Variants in TBR1 observed in about 807,000 individuals in gnomAD.
TBR1 encodes the protein T-box brain protein 1.
Under a neutral mutation model 60.3 loss-of-function variants are expected in TBR1, and 7 were observed. That is an observed-to-expected ratio of 0.12 (90% CI 0.07 to 0.22). The LOEUF is 0.22. TBR1 is among the 10% of genes least tolerant of loss of function. The probability of loss-of-function intolerance (pLI) is 1.00; values close to 1 mark genes in which losing one functional copy is unlikely to be tolerated. For missense variants in TBR1, 616 were observed against 936.8 expected, an observed-to-expected ratio of 0.66 and a Z score of 4.47; for synonymous variants, 417 against 409.9, an observed-to-expected ratio of 1.02 and a Z score of -0.21.
At position 161,417,005 on chromosome 2, in the gene TBR1, C is replaced by G; in HGVS notation, c.595C>G (p.Leu199Val). 6.2e-7 allele frequency: 1 copy of G among 1,614,184 alleles called. No homozygotes were observed. Among genetic ancestry groups the G allele is most frequent in the Non-Finnish European group, 8.5e-7 (1 of 1,180,048 alleles). The change falls in exon 1 of 6, where the codon CTG (leucine) becomes GTG (valine). Residue 199 changes from leucine to valine, a missense_variant. Physicochemically the swap from Leu to Val is conservative, Grantham distance 32. Coordinates refer to ENST00000389554, the MANE Select transcript of TBR1 (RefSeq NM_006593.4). The surrounding 1 kb of genome is among the most constrained non-coding windows in gnomAD (Gnocchi z 5.3). ...FYQFSSTQPG[L>V]VPGKAQVYLC... The stretch of plus-strand genomic sequence containing the variant: ...CCAGTTCTCCTCCACCCAGCCGGGG[C>G]TGGTGCCCGGCAAAGCACAGGTGTA...
chr2:161,419,846 A>G (rs1684199561), intron 4 of TBR1: 1 of 161,420 alleles, frequency 6.2e-6, no homozygotes, highest in Non-Finnish European at 1.3e-5. Flanking sequence ...GTCAACATTT[A>G]GTGATGAATT....
intron 5 of TBR1, 115 bp from the exon 6 acceptor site, chr2:161,423,254 G>C (rs1485850783): frequency 1.4e-6 from 1 of 691,776 alleles, no homozygotes; most frequent in Non-Finnish European, 2.3e-6. Flanking sequence ...TTTGTAGATG[G>C]AGGGTGTGGG....
rs115141916 is a variant in TBR1 at position 161,417,442 on chromosome 2, C to A, written c.693-234C>A. 5.9e-3 allele frequency: 3,570 copies of A among 605,526 alleles called. 83 individuals carry two copies. Among genetic ancestry groups the A allele is most frequent in the African/African-American group, 0.059 (3,172 of 53,988 alleles). The allele number at this position is 605,526 out of a possible 1,614,324, so 37.5% of individuals were successfully genotyped here. A position where few individuals can be genotyped will look rare whatever the true frequency, so the allele number is the denominator to read the frequency against. On this transcript the variant is annotated intron_variant, in intron 1 of 5. Transcript: ENST00000389554. This position sits in a 1 kb window ranked among gnomAD's most constrained non-coding sequence, Gnocchi z 5.3. ...CGCAGGTCGCCAACCTCGCTCTCCA[C>A]CTGGGCAGTGATAACTGCCACCTTC... is the stretch of plus-strand genomic sequence containing the variant.
In TBR1 at chr2:161,423,979, G is replaced by C. The variant is rs1477729452; in HGVS notation, c.1801G>C (p.Ala601Pro). ...AERSPLPPGAAEDAKPKDLSD... is the reference protein window; with the variant it reads ...AERSPLPPGAPEDAKPKDLSD... ...GCGCTCGCCGCTGCCGCCCGGCGCC[G>C]CCGAGGACGCCAAGCCCAAGGACCT... The change falls in exon 6 of 6, where the codon GCC (alanine) becomes CCC (proline). Residue 601 changes from alanine (A) to proline (P), a missense_variant. By Grantham distance (27) the Ala-to-Pro change is conservative. Around this residue, in one of 8 missense-constraint regions of TBR1, gnomAD observed 210 missense variants for 297.4 expected, o/e 0.71. Coordinates refer to ENST00000389554, the MANE Select transcript of TBR1 (RefSeq NM_006593.4). The C allele has an allele frequency of 6.4e-7, 1 of 1,552,268 alleles. No homozygotes were observed. Among genetic ancestry groups the C allele is most frequent in the South Asian group, 1.2e-5 (1 of 84,240 alleles).
Position 161,417,332 on chromosome 2 carries a change from G to A in TBR1, c.692+230G>A, listed in dbSNP as rs1684140477. Reference sequence around the variant, plus strand: ...TGGGAGAGCCAGTCAGTGGCCAGAGGAAGGCAAGAAAAAGGAAGAGCCCTG... The same window carrying A: ...TGGGAGAGCCAGTCAGTGGCCAGAGAAAGGCAAGAAAAAGGAAGAGCCCTG... On this transcript the variant is annotated intron_variant, in intron 1 of 5. Transcript: ENST00000389554. This position sits in a 1 kb window ranked among gnomAD's most constrained non-coding sequence, Gnocchi z 5.3. The A allele has an allele frequency of 1.7e-6, 1 of 586,540 alleles. No individual in the cohort carries two copies. Among genetic ancestry groups the A allele is most frequent in the African/African-American group, 1.9e-5 (1 of 53,622 alleles). The allele number at this position is 586,540 out of a possible 1,614,324, so 36.3% of individuals were successfully genotyped here. A position where few individuals can be genotyped will look rare whatever the true frequency, so the allele number is the denominator to read the frequency against.
At chr2:161,423,337 CG>C in intron 5 of TBR1, 31 bp from the exon 6 acceptor site, 1 of 1,326,666 alleles carries the variant, frequency 7.5e-7, no homozygotes, top group Non-Finnish European at 9.8e-7. Context: ...CGCCACCCCT[CG>C]GCTCTCTCTC....
rs3835937 is a variant in TBR1 at position 161,419,369 on chromosome 2, TA to T, written c.1128+328del. 2.5e-3 allele frequency: 482 copies of T among 196,558 alleles called. 11 individuals are homozygous for T. The East Asian group carries it at 0.054, about 22-fold the overall frequency. 12.2% of individuals were successfully genotyped at this position (196,558 alleles called of 1,614,324 possible). On this transcript the variant is annotated intron_variant, in intron 4 of 5. Coordinates refer to ENST00000389554, the MANE Select transcript of TBR1 (RefSeq NM_006593.4). ...AACTAGAACAGATTAAAATCTACTT[TA>T]AAAAAAAATTCTCTCTTTCCTTTAG...
At chr2:161,420,418 CTTTTTTTTTTT>C (rs67826360) in intron 5 of TBR1, 161 bp downstream of exon 5, 35 of 95,422 alleles carry the variant, frequency 3.7e-4, no homozygotes, top group East Asian at 7.3e-4. Context: ...TCTTCCTCTT[CTTTTTTTTTTT>C]TTTTTTTTTT....
Position 161,424,105 on chromosome 2 carries a change from G to T in TBR1, c.1927G>T (p.Ala643Ser). 6.2e-7 allele frequency: 1 copy of T among 1,612,004 alleles called. No homozygotes were observed. ...EQAKRRRISPADTPVSESSSP... is the reference protein window; with the variant it reads ...EQAKRRRISPSDTPVSESSSP... Reference sequence around the variant, plus strand: ...GGCCAAGCGGAGGCGGATCTCGCCGGCCGACACGCCCGTGTCCGAGAGTTC... The same window carrying T: ...GGCCAAGCGGAGGCGGATCTCGCCGTCCGACACGCCCGTGTCCGAGAGTTC... Residue 643 changes from alanine to serine, a missense_variant, in exon 6 of 6, where the codon GCC (alanine) becomes TCC (serine). Transcript: ENST00000389554. The surrounding 1 kb of genome is among the most constrained non-coding windows in gnomAD (Gnocchi z 4.4).
At chr2:161,422,152 C>G (rs1684242484) in intron 5 of TBR1, 1 of 152,212 alleles carries the variant, frequency 6.6e-6, no homozygotes, top group African/African-American at 2.4e-5. Flanking sequence ...GGATTAAGGT[C>G]TGACAAGACT....
chr2:161,423,764 C>T lies in TBR1; in HGVS notation c.1586C>T (p.Ala529Val). 3 of 1,488,522 alleles carry T rather than the reference C, an allele frequency of 2.0e-6. No individual in the cohort carries two copies. The highest frequency in any genetic ancestry group is 1.8e-6 in the Non-Finnish European group (2 of 1,125,252). The allele number at this position is 1,488,522 out of a possible 1,614,324, so 92.2% of individuals were successfully genotyped here. Reference sequence around the variant, plus strand: ...GTGAAGGCGCTGCCGCTGCAGGCTGCAGGCTGCACTGGCCGCCCGCTCGGC... The same window carrying T: ...GTGAAGGCGCTGCCGCTGCAGGCTGTAGGCTGCACTGGCCGCCCGCTCGGC... ...AGVKALPLQAAGCTGRPLGYY... is the reference protein window; with the variant it reads ...AGVKALPLQAVGCTGRPLGYY... Residue 529 changes from alanine (A) to valine (V), a missense_variant, in exon 6 of 6, where the codon GCA becomes GTA. Around this residue, in one of 8 missense-constraint regions of TBR1, gnomAD observed 210 missense variants for 297.4 expected, o/e 0.71. Transcript: ENST00000389554.
intron 3 of TBR1, 55 bp from the exon 4 acceptor site, chr2:161,418,837 C>A: frequency 6.3e-7 from 1 of 1,580,280 alleles, no homozygotes; most frequent in Non-Finnish European, 8.6e-7. Context: ...CAGCCACGCG[C>A]ACAGCGACCG....
Position 161,417,538 on chromosome 2 carries a change from T to C in TBR1, c.693-138T>C. 8.6e-7 allele frequency: 1 copy of C among 1,156,196 alleles called. No individual in the cohort carries two copies. Among genetic ancestry groups the C allele is most frequent in the Non-Finnish European group, 1.2e-6 (1 of 817,808 alleles). 71.6% of individuals were successfully genotyped at this position (1,156,196 alleles called of 1,614,324 possible). On this transcript the variant is annotated intron_variant, in intron 1 of 5. Transcript: ENST00000389554. This position sits in a 1 kb window ranked among gnomAD's most constrained non-coding sequence, Gnocchi z 5.3. ...TTTTCTTCTCCCACCACCCTTTTTC[T>C]AATCCAGCAAATATTCGCCTATTTG...
chr2:161,418,842 C>A, intron 3 of TBR1, 50 bp from the exon 4 acceptor site: 1 of 1,583,518 alleles, frequency 6.3e-7, no homozygotes, highest in Non-Finnish European at 8.6e-7. Flanking sequence ...ACGCGCACAG[C>A]GACCGCGTTA....
chr2:161,416,510 T>C lies in TBR1; in HGVS notation c.100T>C (p.Leu34=). The stretch of plus-strand genomic sequence containing the variant: ...ACATTCAGGCGGATCCGAGCTTGTC[T>C]TGCACGATCATCCCATTATCTCGAC... ...YPHSGGSELV[L]HDHPIISTTD... The change falls in exon 1 of 6, where the codon TTG becomes CTG. Residue 34 remains leucine (L), a synonymous_variant. Coordinates refer to ENST00000389554, the MANE Select transcript of TBR1 (RefSeq NM_006593.4). The surrounding 1 kb of genome is among the most constrained non-coding windows in gnomAD (Gnocchi z 6.1). 6.2e-7 allele frequency: 1 copy of C among 1,614,142 alleles called. No individual in the cohort carries two copies. The highest frequency in any genetic ancestry group is 8.5e-7 in the Non-Finnish European group (1 of 1,180,022).
Position 161,417,823 on chromosome 2 carries a change from T to C in TBR1, c.840T>C (p.Asn280=). 1.9e-6 allele frequency: 3 copies of C among 1,613,962 alleles called. No individual in the cohort carries two copies. In the South Asian group the frequency reaches 3.3e-5, roughly 18 times the overall value. The change falls in exon 2 of 6, where the codon AAT becomes AAC. Residue 280 remains asparagine, a synonymous_variant. Transcript: ENST00000389554. The surrounding 1 kb of genome is among the most constrained non-coding windows in gnomAD (Gnocchi z 5.3). ...KWVPCGKADT[N]VQGNRVYMHP... The stretch of plus-strand genomic sequence containing the variant: ...TTCCTTGCGGCAAAGCGGACACCAA[T>C]GTGCAAGGCAAGTCCTTCCAATTAA...
Position 161,417,223 on chromosome 2 carries a change from T to C in TBR1, c.692+121T>C. 2 of 1,006,758 alleles carry C rather than the reference T, an allele frequency of 2.0e-6. No individual in the cohort carries two copies. The highest frequency in any genetic ancestry group is 2.9e-6 in the Non-Finnish European group (2 of 698,112). 62.4% of individuals were successfully genotyped at this position (1,006,758 alleles called of 1,614,324 possible). A position where few individuals can be genotyped will look rare whatever the true frequency, so the allele number is the denominator to read the frequency against. ...GAGCGGAGTGGAAGGCGCCCTAGAG[T>C]TGGCTAGTTTTGGAAAGGGGGAAAG... is the stretch of plus-strand genomic sequence containing the variant. On this transcript the variant is annotated intron_variant, in intron 1 of 5. Transcript: ENST00000389554. This position sits in a 1 kb window ranked among gnomAD's most constrained non-coding sequence, Gnocchi z 5.3.
chr2:161,418,863 C>T (rs1238916010), intron 3 of TBR1, 29 bp from the exon 4 acceptor site: 3 of 1,597,682 alleles, frequency 1.9e-6, no homozygotes, highest in South Asian at 2.2e-5. Flanking sequence ...ACACGCCACC[C>T]GGCGCTCCCC....
At position 161,416,830 on chromosome 2, in the gene TBR1, C is replaced by T. The variant is rs2105278405; in HGVS notation, c.420C>T (p.Gly140=). The T allele has an allele frequency of 1.1e-5, 17 of 1,614,000 alleles. No individual in the cohort carries two copies. Among genetic ancestry groups the T allele is most frequent in the Non-Finnish European group, 1.4e-5 (17 of 1,180,008 alleles). ...HGPAHPAFSI[G]SPSRYMAHHP... is the part of the protein sequence containing the mutation. ...CGGCGCACCCCGCCTTCTCCATCGG[C>T]AGCCCTAGCCGCTACATGGCCCACC... The change falls in exon 1 of 6, where the codon GGC becomes GGT. Residue 140 remains glycine, a synonymous_variant. Transcript: ENST00000389554. This position sits in a 1 kb window ranked among gnomAD's most constrained non-coding sequence, Gnocchi z 6.1.
Sources: gnomAD v4.1 joint callset for allele counts on GRCh38, gnomAD v4.1.1 for gene constraint, gnomAD v4.1.1 regional missense constraint, Gnocchi (gnomAD v3.1) non-coding constraint, MANE v1.5 for transcripts, NCBI Gene and HGNC (gene_info 2026-07-23, HGNC 2026-07-21) for gene names.